Variants in SPECC1L observed in about 807,000 individuals in gnomAD.
The protein encoded by SPECC1L is cytospin-A.
Under a neutral mutation model 116.8 loss-of-function variants are expected in SPECC1L, and 40 were observed. The ratio of observed to expected loss-of-function variants is 0.34; its 90% CI spans 0.27 to 0.45. The LOEUF (loss-of-function observed/expected upper bound fraction) is 0.45. Among genes scored for constraint, SPECC1L ranks in the 20% least tolerant of loss-of-function variants. The pLI, the probability that SPECC1L is intolerant of heterozygous loss-of-function variation, is 1.00. For synonymous variants in SPECC1L, 504 were observed against 500.6 expected, an observed-to-expected ratio of 1.01 and a Z score of -0.09; for missense variants, 1,110 against 1,373.6, an observed-to-expected ratio of 0.81 and a Z score of 3.03.
At chr22:24,311,070 A>T (rs2040451629) in intron 3 of SPECC1L, among the ~76,000 whole-genome samples, 1 of 152,180 alleles carries the variant, frequency 6.6e-6, no homozygotes, top group Admixed American at 6.5e-5. Flanking sequence ...GTCTATAAAT[A>T]TGCAGTTTCT....
At chr22:24,276,293 G>A (rs1601479481) in intron 1 of SPECC1L, among the ~76,000 whole-genome samples, 1 of 152,186 alleles carries the variant, frequency 6.6e-6, no homozygotes, top group Non-Finnish European at 1.5e-5. Flanking sequence ...TTCGCCAGGT[G>A]TGGTGGTGCG....
At chr22:24,271,723 A>C (rs1415419167) in intron 1 of SPECC1L, among the ~76,000 whole-genome samples, 1 of 152,262 alleles carries the variant, frequency 6.6e-6, no homozygotes, top group Non-Finnish European at 1.5e-5. Context: ...CAGAACACGC[A>C]AAAATTCTGT....
rs763460675 is a variant in SPECC1L, at chr22:24,412,750, T to G, written c.3264+43T>G. 13 of 1,603,864 alleles carry G rather than the reference T, an allele frequency of 8.1e-6. 1 individual carries two copies. Among genetic ancestry groups the G allele is most frequent in the Middle Eastern group, 1.7e-4 (1 of 5,748 alleles). On this transcript the variant is annotated intron_variant, in intron 16 of 16. Transcript: ENST00000314328. Reference sequence around the variant, plus strand: ...TGAGTCACTGGCAGGGCCCTCCTTCTGGTTAAGAAGAGTTCAGTCCTGTTT... The same window carrying G: ...TGAGTCACTGGCAGGGCCCTCCTTCGGGTTAAGAAGAGTTCAGTCCTGTTT...
At chr22:24,362,076 G>A (rs936777927) in intron 11 of SPECC1L, among the ~76,000 whole-genome samples, 1 of 152,168 alleles carries the variant, frequency 6.6e-6, no homozygotes, top group African/African-American at 2.4e-5. Context: ...ACAAGGTTTG[G>A]TGTTTTTCTT....
chr22:24,298,409 G>A (rs1404605604), intron 2 of SPECC1L, among the ~76,000 whole-genome samples: 1 of 152,144 alleles, frequency 6.6e-6, no homozygotes, highest in Non-Finnish European at 1.5e-5. Flanking sequence ...ATCCGTAGGG[G>A]TTCTTGAAAC....
At chr22:24,317,673 C>G (rs549990814) in intron 4 of SPECC1L, among the ~76,000 whole-genome samples, 1 of 152,186 alleles carries the variant, frequency 6.6e-6, no homozygotes, top group South Asian at 2.1e-4. Flanking sequence ...ACCCCCCCAT[C>G]TCCCTCCTGG....
In SPECC1L at chr22:24,352,530, G is replaced by GA. The variant is rs532745643; in HGVS notation, c.2743+5363dup. ...GAGATTTTTATAAACTGAGTATTTT[G>GA]AAAAAAAAATGATTTATGTTAAGGG... On this transcript the variant is annotated intron_variant, in intron 11 of 16. Coordinates refer to ENST00000314328, the MANE Select transcript of SPECC1L (RefSeq NM_015330.6). Among the ~76,000 whole-genome samples, 1,215 of 149,354 alleles carry GA rather than the reference G, an allele frequency of 8.1e-3. 7 individuals are homozygous for GA. The highest frequency in any genetic ancestry group is 0.014 in the South Asian group (64 of 4,690).
chr22:24,351,045 C>G (rs1421990265), intron 11 of SPECC1L, among the ~76,000 whole-genome samples: 1 of 152,158 alleles, frequency 6.6e-6, no homozygotes, highest in Non-Finnish European at 1.5e-5. Context: ...CTTCCCATAC[C>G]TCCTGAGCTC....
At chr22:24,324,845 T>C (rs1229201316) in intron 6 of SPECC1L, among the ~76,000 whole-genome samples, 1 of 152,180 alleles carries the variant, frequency 6.6e-6, no homozygotes, top group Non-Finnish European at 1.5e-5. Context: ...AGTGAGACTT[T>C]ATTTCAAAAC....
rs201387851 is a variant in SPECC1L, at chr22:24,347,194, T to A, written c.2743+18T>A. On this transcript the variant is annotated intron_variant, in intron 11 of 16. Transcript: ENST00000314328. The stretch of plus-strand genomic sequence containing the variant: ...TGTTCAAGGTACGTGTAATATGCCA[T>A]AGCATTTCACCTTTTTTTCAATTTT... 1 of 1,585,342 alleles carries A rather than the reference T, an allele frequency of 6.3e-7. No homozygotes were observed. Among genetic ancestry groups the A allele is most frequent in the Middle Eastern group, 1.7e-4 (1 of 5,996 alleles).
At chr22:24,293,697 G>A (rs1196834053) in intron 2 of SPECC1L, among the ~76,000 whole-genome samples, 14 of 143,794 alleles carry the variant, frequency 9.7e-5, no homozygotes, top group African/African-American at 3.6e-4. Flanking sequence ...GCCCACTTCC[G>A]AGGTGCCTGT....
chr22:24,363,306 C>A lies in SPECC1L; in HGVS notation c.2789C>A (p.Pro930Gln), dbSNP rs1426787952. ...TSSASRPASL[P>Q]RVPAMESAKT... ...TCAGCCAGCCGGCCTGCTTCCCTGC[C>A]AAGAGTGCCTGCGATGGAAAGTGCC... Residue 930 changes from proline to glutamine, a missense_variant, in exon 12 of 17, where the codon CCA (proline) becomes CAA (glutamine). Coordinates refer to ENST00000314328, the MANE Select transcript of SPECC1L (RefSeq NM_015330.6). 6.2e-7 allele frequency: 1 copy of A among 1,614,080 alleles called. No homozygotes were observed. The highest frequency in any genetic ancestry group is 1.3e-5 in the African/African-American group (1 of 74,928).
chr22:24,296,367 A>G (rs1052014844), intron 2 of SPECC1L, among the ~76,000 whole-genome samples: 3 of 151,616 alleles, frequency 2.0e-5, no homozygotes, highest in Non-Finnish European at 2.9e-5. Flanking sequence ...CAGTGCATCT[A>G]TTTTGGTGTT....
Position 24,396,844 on chromosome 22 carries a change from G to A in SPECC1L, c.3088-14744G>A, listed in dbSNP as rs571200641. On this transcript the variant is annotated intron_variant, in intron 14 of 16. Transcript: ENST00000314328. ...TACCCTACTGTGTTTTAATACCAAGGAAACAGCAAGAAAAGCTGGTAACCA... is the reference window on the plus strand; with the variant it reads ...TACCCTACTGTGTTTTAATACCAAGAAAACAGCAAGAAAAGCTGGTAACCA... Among the ~76,000 whole-genome samples, 66 of 152,208 alleles carry A rather than the reference G, an allele frequency of 4.3e-4. 1 individual carries two copies. In the South Asian group the frequency reaches 6.6e-3, roughly 15 times the overall value.
intron 13 of SPECC1L, among the ~76,000 whole-genome samples, chr22:24,366,827 A>G (rs1336636008): frequency 6.6e-6 from 1 of 152,144 alleles, no homozygotes; most frequent in Non-Finnish European, 1.5e-5. Flanking sequence ...AACTTGGGGG[A>G]AAAACAGATG....
chr22:24,320,954 A>G (rs2040709498), intron 4 of SPECC1L, among the ~76,000 whole-genome samples: 1 of 152,228 alleles, frequency 6.6e-6, no homozygotes, highest in Admixed American at 6.5e-5. Flanking sequence ...CCTCTGGCCA[A>G]CTGGTTAAAA....
Position 24,321,613 on chromosome 22 carries a change from C to G in SPECC1L, c.633C>G (p.Ala211=). ...HLRNELRDMR[A]QLGINEDHSE... ...GAAATGAACTGCGAGACATGCGTGC[C>G]CAGCTGGGCATTAATGAGGATCATT... The change falls in exon 5 of 17, where the codon GCC becomes GCG. Residue 211 remains alanine, a synonymous_variant. Coordinates refer to ENST00000314328, the MANE Select transcript of SPECC1L (RefSeq NM_015330.6). The G allele has an allele frequency of 6.2e-7, 1 of 1,614,168 alleles. No homozygotes were observed. The highest frequency in any genetic ancestry group is 8.5e-7 in the Non-Finnish European group (1 of 1,180,032).
rs181860780 is a variant in SPECC1L at position 24,278,286 on chromosome 22, A to C, written c.-38+1483A>C. Among the ~76,000 whole-genome samples the C allele has an allele frequency of 7.0e-3, 1,059 of 152,366 alleles. 2 individuals are homozygous for C. Among genetic ancestry groups the C allele is most frequent in the Non-Finnish European group, 0.01 (695 of 68,044 alleles). Reference sequence around the variant, plus strand: ...TGAGGTGGAAGGATTCCCTGAGCCCAGAAGTTTGAGGTTGCAGTGAGCCAT... The same window carrying C: ...TGAGGTGGAAGGATTCCCTGAGCCCCGAAGTTTGAGGTTGCAGTGAGCCAT... On this transcript the variant is annotated intron_variant, in intron 2 of 16. Coordinates refer to ENST00000314328, the MANE Select transcript of SPECC1L (RefSeq NM_015330.6).
chr22:24,408,642 C>G (rs1391437295), intron 14 of SPECC1L, among the ~76,000 whole-genome samples: 1 of 152,234 alleles, frequency 6.6e-6, no homozygotes, highest in African/African-American at 2.4e-5. Context: ...TGGTCACTTT[C>G]CTCACAGCAG....
Sources: allele counts gnomAD v4.1 joint callset (sites outside exome capture counted in the v4.1 genomes callset), GRCh38; gene constraint gnomAD v4.1.1; transcripts MANE v1.5; gene names NCBI Gene and HGNC (gene_info 2026-07-23, HGNC 2026-07-21).